The following ZNF292 variants were observed in gnomAD, a reference collection of about 807,000 sequenced individuals.
The protein encoded by ZNF292 is zinc finger protein 292, also known as 16 zinc-finger domain protein.
A neutral mutation model predicts 217.9 loss-of-function variants in ZNF292; 26 were observed. The ratio of observed to expected loss-of-function variants is 0.12; its 90% confidence interval spans 0.09 to 0.17. ZNF292 has a LOEUF of 0.17. Ranked by LOEUF, ZNF292 falls within the 10% of genes least tolerant of loss-of-function variation. The probability of loss-of-function intolerance (pLI) is 1.00; values close to 1 mark genes in which losing one functional copy is unlikely to be tolerated. For missense variants in ZNF292, 2,904 were observed against 3,175.2 expected, an observed-to-expected ratio of 0.91 and a Z score of 2.05; for synonymous variants, 1,257 against 1,124.1, an observed-to-expected ratio of 1.12 and a Z score of -2.37.
chr6:87,255,494 A>G lies in ZNF292; in HGVS notation c.1865A>G (p.Gln622Arg). The change falls in exon 8 of 8, where the codon CAG (glutamine) becomes CGG (arginine). Residue 622 changes from glutamine to arginine, a missense_variant. Gln to Arg is a conservative substitution (Grantham distance 43). Coordinates refer to ENST00000369577, the MANE Select transcript of ZNF292 (RefSeq NM_015021.3). ...AAGATCACAACTACCAATGAAAATC[A>G]GAAGACTAATACTGTGGCTAAACAG... Reference protein sequence around the residue: ...PPKITTTNENQKTNTVAKQEQ... With the variant: ...PPKITTTNENRKTNTVAKQEQ... 1 of 1,613,560 alleles carries G rather than the reference A, an allele frequency of 6.2e-7. No individual in the cohort carries two copies. The highest frequency in any genetic ancestry group is 8.5e-7 in the Non-Finnish European group (1 of 1,179,734).
chr6:87,210,259 T>A (rs78308178), intron 1 of ZNF292, among the ~76,000 whole-genome samples: 145 of 152,030 alleles, frequency 9.5e-4, no homozygotes, highest in African/African-American at 2.5e-3. Flanking sequence ...AAGAAAAAAA[T>A]TTTTTTTTAA....
rs780555375 is a variant in ZNF292, at chr6:87,256,787, A to G, written c.3158A>G (p.Asn1053Ser). Residue 1053 changes from asparagine (N) to serine (S), a missense_variant, in exon 8 of 8, where the codon AAT becomes AGT. By Grantham distance (46) the Asn-to-Ser change is conservative. Transcript: ENST00000369577. The part of the protein sequence containing the change: ...LPTSKFECGD[N>S]VKTSSNLYNL... Reference sequence around the variant, plus strand: ...ACTTCCAAATTTGAATGTGGAGATAATGTTAAAACATCATCCAATCTTTAT... The same window carrying G: ...ACTTCCAAATTTGAATGTGGAGATAGTGTTAAAACATCATCCAATCTTTAT... 1.7e-5 allele frequency: 28 copies of G among 1,613,070 alleles called. No homozygotes were observed. Among genetic ancestry groups the G allele is most frequent in the Non-Finnish European group, 2.4e-5 (28 of 1,179,812 alleles).
intron 7 of ZNF292, among the ~76,000 whole-genome samples, chr6:87,254,383 C>T (rs971077824): frequency 6.6e-6 from 1 of 152,188 alleles, no homozygotes; most frequent in African/African-American, 2.4e-5. Context: ...TCAGAAAAGT[C>T]AAATAACTTC....
At chr6:87,236,542 TAGC>T (rs1773914917) in intron 5 of ZNF292, among the ~76,000 whole-genome samples, 1 of 152,254 alleles carries the variant, frequency 6.6e-6, no homozygotes, top group African/African-American at 2.4e-5. Context: ...AAAATTAAGT[TAGC>T]AGTGTCTAGT....
intron 1 of ZNF292, among the ~76,000 whole-genome samples, chr6:87,211,612 G>A (rs1242395158): frequency 1.3e-5 from 2 of 151,988 alleles, no homozygotes; most frequent in Non-Finnish European, 2.9e-5. Flanking sequence ...TACTGAATAG[G>A]TAGTACATGT....
In ZNF292 at chr6:87,243,633, T is replaced by A. The variant is rs1235666141; in HGVS notation, c.878+22T>A. ...CTTGGTGAGTTGATCTTTTTTTTTT[T>A]AAAGAAATATTTGTTAAATAAGAAT... On this transcript the variant is annotated intron_variant, in intron 6 of 7. Transcript: ENST00000369577. The A allele has an allele frequency of 3.5e-6, 5 of 1,439,136 alleles. No homozygotes were observed. In the African/African-American group the frequency reaches 4.4e-5, roughly 13 times the overall value. 89.1% of individuals were successfully genotyped at this position (1,439,136 alleles called of 1,614,324 possible).
chr6:87,202,355 T>C (rs1398231249), intron 1 of ZNF292, among the ~76,000 whole-genome samples: 1 of 152,230 alleles, frequency 6.6e-6, no homozygotes, highest in East Asian at 1.9e-4. Flanking sequence ...AACTGCTTTT[T>C]TAAAAAAATA....
intron 1 of ZNF292, among the ~76,000 whole-genome samples, chr6:87,158,826 G>A (rs1770629963): frequency 6.6e-6 from 1 of 152,228 alleles, no homozygotes; most frequent in African/African-American, 2.4e-5. Flanking sequence ...TAGAAATTAT[G>A]TCTTAGTTTC....
Position 87,261,641 on chromosome 6 carries a change from A to G in ZNF292, c.8012A>G (p.Asp2671Gly). ...QCSDNVKIVLDKNLKDCTELV... is the reference protein window; with the variant it reads ...QCSDNVKIVLGKNLKDCTELV... ...AGTGATAATGTAAAAATTGTTTTAG[A>G]CAAGAATCTTAAAGATTGCACTGAG... The change falls in exon 8 of 8, where the codon GAC (aspartate) becomes GGC (glycine). Residue 2671 changes from aspartate (D) to glycine (G), a missense_variant. By Grantham distance (94) the Asp-to-Gly change is moderately conservative (BLOSUM62 -1). Around this residue, in one of 15 missense-constraint regions of ZNF292, gnomAD observed 380 missense variants for 355.3 expected, o/e 1.07. Coordinates refer to ENST00000369577, the MANE Select transcript of ZNF292 (RefSeq NM_015021.3). 6.2e-7 allele frequency: 1 copy of G among 1,612,096 alleles called. No homozygotes were observed. The highest frequency in any genetic ancestry group is 8.5e-7 in the Non-Finnish European group (1 of 1,178,898).
At position 87,259,950 on chromosome 6, in the gene ZNF292, A is replaced by G. The variant is rs764017231; in HGVS notation, c.6321A>G (p.Arg2107=). 3 of 1,613,684 alleles carry G rather than the reference A, an allele frequency of 1.9e-6. 1 individual carries two copies. The highest frequency in any genetic ancestry group is 2.2e-5 in the South Asian group (2 of 91,072). The change falls in exon 8 of 8, where the codon AGA becomes AGG. Residue 2107 remains arginine (R), a synonymous_variant. Transcript: ENST00000369577. ...CCCAATCCCTTGAGTTTCCAACAAG[A>G]TACAGTCCTTACAGACCTTATCGAT... ...PVSQSLEFPT[R]YSPYRPYRCV...
At chr6:87,250,581 A>G (rs1358281543) in intron 7 of ZNF292, among the ~76,000 whole-genome samples, 2 of 152,252 alleles carry the variant, frequency 1.3e-5, no homozygotes, top group East Asian at 3.8e-4. Flanking sequence ...AGTAATACAG[A>G]GATGAATTAA....
At chr6:87,234,324 C>T (rs369739103) in intron 5 of ZNF292, among the ~76,000 whole-genome samples, 3 of 152,070 alleles carry the variant, frequency 2.0e-5, no homozygotes, top group Non-Finnish European at 4.4e-5. Context: ...TTTGGGAGGC[C>T]GAGGCGGGCG....
At chr6:87,164,171 T>G (rs1770839552) in intron 1 of ZNF292, among the ~76,000 whole-genome samples, 1 of 152,168 alleles carries the variant, frequency 6.6e-6, no homozygotes, top group African/African-American at 2.4e-5. Flanking sequence ...TGCAGTCAGC[T>G]CTCATGTTTT....
intron 1 of ZNF292, among the ~76,000 whole-genome samples, chr6:87,204,010 G>T (rs553577596): frequency 2.6e-5 from 4 of 152,266 alleles, no homozygotes; most frequent in African/African-American, 9.6e-5. Flanking sequence ...CACCTGATAG[G>T]ATATAATGAG....
At chr6:87,245,058 T>C (rs1774502272) in intron 6 of ZNF292, among the ~76,000 whole-genome samples, 1 of 152,104 alleles carries the variant, frequency 6.6e-6, no homozygotes, top group Admixed American at 6.5e-5. Context: ...CTGGCCAACA[T>C]GGTGAAACCC....
chr6:87,178,445 A>C (rs1254849626), intron 1 of ZNF292, among the ~76,000 whole-genome samples: 1 of 152,214 alleles, frequency 6.6e-6, no homozygotes, highest in Admixed American at 6.5e-5. Flanking sequence ...TTGGATATCT[A>C]TATTCAGGGC....
rs911388943 is a variant in ZNF292 at position 87,265,542 on chromosome 6, G to A, written c.*3741G>A. Among the ~76,000 whole-genome samples the A allele has an allele frequency of 6.6e-6, 1 of 152,134 alleles. No homozygotes were observed. Among genetic ancestry groups the A allele is most frequent in the Non-Finnish European group, 1.5e-5 (1 of 68,022 alleles). On this transcript the variant is annotated 3_prime_UTR_variant, in exon 8 of 8. Transcript: ENST00000369577. ...GCCTCTCTTAAATAATTTAATGCAT[G>A]TTTGCATATTAAAGACAAAAGTTCT...
chr6:87,256,841 T>C lies in ZNF292; in HGVS notation c.3212T>C (p.Ile1071Thr), dbSNP rs1490490000. ...TTACCTCTTAAGACATTAGAAAGTA[T>C]TGCATTTGTTCCACCGCAGTCCGAC... ...YNLPLKTLES[I>T]AFVPPQSDLS... Residue 1071 changes from isoleucine (I) to threonine (T), a missense_variant, in exon 8 of 8, where the codon ATT becomes ACT. By Grantham distance (89) the Ile-to-Thr change is moderately conservative. This residue lies in a region of ZNF292 where 687 missense variants were observed against 623.0 expected (regional missense o/e 1.10). Coordinates refer to ENST00000369577, the MANE Select transcript of ZNF292 (RefSeq NM_015021.3). 1 of 1,613,838 alleles carries C rather than the reference T, an allele frequency of 6.2e-7. No homozygotes were observed. Among genetic ancestry groups the C allele is most frequent in the Admixed American group, 1.7e-5 (1 of 60,000 alleles).
chr6:87,180,735 A>G (rs150085918), intron 1 of ZNF292, among the ~76,000 whole-genome samples: 6 of 152,246 alleles, frequency 3.9e-5, no homozygotes, highest in Non-Finnish European at 7.4e-5. Context: ...CATAATTCCA[A>G]TAAGGCCTGA....
Sources: allele counts gnomAD v4.1 joint callset (sites outside exome capture counted in the v4.1 genomes callset), GRCh38; gene constraint gnomAD v4.1.1; regional missense constraint gnomAD v4.1.1; transcripts MANE v1.5; gene names NCBI Gene and HGNC (gene_info 2026-07-23, HGNC 2026-07-21).